Variants in SPIDR observed in about 807,000 individuals in gnomAD.
SPIDR encodes the protein scaffold protein involved in DNA repair, also known as DNA repair-scaffolding protein.
SPIDR carries 93 observed loss-of-function variants against 104.6 expected under a neutral mutation model. The observed-to-expected ratio is 0.89, with a 90% CI of 0.75 to 1.06. SPIDR has a LOEUF of 1.06. SPIDR is among the 50% of genes least tolerant of loss of function. The pLI, the probability that SPIDR is intolerant of heterozygous loss-of-function variation, is 0.00. For missense variants in SPIDR, 1,154 were observed against 1,111.2 expected (o/e 1.04, Z -0.55); for synonymous variants, 431 against 416.9 (o/e 1.03, Z -0.41).
At chr8:47,727,716 GGTCTGGGCCAGT>G (rs1318456265) in intron 17 of SPIDR, among the ~76,000 whole-genome samples, 3 of 152,218 alleles carry the variant, frequency 2.0e-5, no homozygotes, top group African/African-American at 7.2e-5. Flanking sequence ...CCTCCCTCAG[GGTCTGGGCCAGT>G]GTCAGTGCAG....
intron 7 of SPIDR, among the ~76,000 whole-genome samples, chr8:47,428,815 C>A (rs1436515830): frequency 6.6e-6 from 1 of 152,158 alleles, no homozygotes; most frequent in African/African-American, 2.4e-5. Context: ...CTGATTTGGC[C>A]AGAGAGGTTT....
At chr8:47,386,998 C>T (rs1027465177) in intron 5 of SPIDR, among the ~76,000 whole-genome samples, 7 of 151,962 alleles carry the variant, frequency 4.6e-5, no homozygotes, top group Non-Finnish European at 7.4e-5. Context: ...TGCTGTTGCC[C>T]CAGCCCCAGC....
Position 47,673,811 on chromosome 8 carries a change from C to T in SPIDR, c.1555C>T (p.Leu519=). Residue 519 remains leucine (L), a synonymous_variant, in exon 11 of 20, where the codon CTG becomes TTG. Coordinates refer to ENST00000297423, the MANE Select transcript of SPIDR (RefSeq NM_001080394.4). Reference sequence around the variant, plus strand: ...AATGGTTTTTTACAGAGCCTGCCTTCTGGTACAAGATGCCTGTGGAATGTT... The same window carrying T: ...AATGGTTTTTTACAGAGCCTGCCTTTTGGTACAAGATGCCTGTGGAATGTT... ...TDPAGTRACL[L]VQDACGMFGE... 6.2e-7 allele frequency: 1 copy of T among 1,614,106 alleles called. No individual in the cohort carries two copies. The highest frequency in any genetic ancestry group is 8.5e-7 in the Non-Finnish European group (1 of 1,180,016).
intron 8 of SPIDR, among the ~76,000 whole-genome samples, chr8:47,509,523 G>T (rs1003507852): frequency 6.6e-6 from 1 of 152,158 alleles, no homozygotes; most frequent in Non-Finnish European, 1.5e-5. Flanking sequence ...GCCACTTATA[G>T]ACTGGCATTT....
intron 10 of SPIDR, among the ~76,000 whole-genome samples, chr8:47,646,936 C>G (rs1289399266): frequency 6.6e-6 from 1 of 152,092 alleles, no homozygotes; most frequent in Admixed American, 6.6e-5. Context: ...ATGTTATACT[C>G]TTTGACCCAA....
intron 11 of SPIDR, among the ~76,000 whole-genome samples, chr8:47,683,791 T>A (rs1275451353): frequency 6.6e-6 from 1 of 152,134 alleles, no homozygotes; most frequent in Non-Finnish European, 1.5e-5. Context: ...GGGCCAAGTG[T>A]TATTTTTGTA....
chr8:47,345,696 T>A (rs1224330820), intron 5 of SPIDR, among the ~76,000 whole-genome samples: 2 of 152,226 alleles, frequency 1.3e-5, no homozygotes, highest in Non-Finnish European at 1.5e-5. Flanking sequence ...GTAAGTTGGA[T>A]TGCTAGGTAT....
intron 8 of SPIDR, among the ~76,000 whole-genome samples, chr8:47,474,796 G>A (rs1263778901): frequency 6.6e-6 from 1 of 152,224 alleles, no homozygotes; most frequent in Non-Finnish European, 1.5e-5. Context: ...GTTCTCTTTT[G>A]TAGAATGTCA....
intron 5 of SPIDR, among the ~76,000 whole-genome samples, chr8:47,298,293 T>A (rs1486352130): frequency 6.6e-6 from 1 of 152,206 alleles, no homozygotes; most frequent in African/African-American, 2.4e-5. Flanking sequence ...TTGCCCACTT[T>A]TTGATGGGGT....
chr8:47,660,432 C>CA, intron 10 of SPIDR: 1 of 985,324 alleles, frequency 1.0e-6, no homozygotes, highest in Admixed American at 6.1e-5. Flanking sequence ...TCGGCTCTTC[C>CA]AACATGGTCC....
intron 10 of SPIDR, among the ~76,000 whole-genome samples, chr8:47,664,183 C>G (rs2074546128): frequency 6.6e-6 from 1 of 152,094 alleles, no homozygotes; most frequent in Non-Finnish European, 1.5e-5. Flanking sequence ...TGGCCAGCCT[C>G]CAGCATCTCT....
rs375996488 is a variant in SPIDR, at chr8:47,323,318, T to A, written c.525+29288T>A. On this transcript the variant is annotated intron_variant, in intron 5 of 19. Transcript: ENST00000297423. ...GTGTTATTGTATTTATGTAAGTAGTTGTCATATAATTCTTTTATCTTAGAG... is the reference window on the plus strand; with the variant it reads ...GTGTTATTGTATTTATGTAAGTAGTAGTCATATAATTCTTTTATCTTAGAG... Among the ~76,000 whole-genome samples, 31 of 152,296 alleles carry A rather than the reference T, an allele frequency of 2.0e-4. 1 individual carries two copies. The highest frequency in any genetic ancestry group is 7.2e-4 in the African/African-American group (30 of 41,568).
intron 8 of SPIDR, among the ~76,000 whole-genome samples, chr8:47,495,818 C>G (rs1346485677): frequency 6.6e-6 from 1 of 152,102 alleles, no homozygotes; most frequent in African/African-American, 2.4e-5. Context: ...TTTCTTGGCA[C>G]TCTTGTTGAA....
intron 10 of SPIDR, among the ~76,000 whole-genome samples, chr8:47,670,452 C>G (rs970129537): frequency 2.6e-5 from 4 of 152,176 alleles, no homozygotes; most frequent in African/African-American, 9.7e-5. Context: ...TAGTTCCCAT[C>G]TAGAAATCTA....
intron 8 of SPIDR, among the ~76,000 whole-genome samples, chr8:47,558,143 A>G (rs2091537669): frequency 6.6e-6 from 1 of 152,138 alleles, no homozygotes; most frequent in Non-Finnish European, 1.5e-5. Context: ...GACACTGGAA[A>G]CCCCAAAAGA....
chr8:47,488,116 A>G (rs2078013280), intron 8 of SPIDR, among the ~76,000 whole-genome samples: 1 of 152,182 alleles, frequency 6.6e-6, no homozygotes, highest in African/African-American at 2.4e-5. Context: ...AGCAAGACCT[A>G]ATAAGAAAAG....
chr8:47,680,622 C>A (rs1373670526), intron 11 of SPIDR, among the ~76,000 whole-genome samples: 1 of 152,170 alleles, frequency 6.6e-6, no homozygotes, highest in Non-Finnish European at 1.5e-5. Flanking sequence ...TTTCCTTCTT[C>A]AAAAAGGCCA....
intron 10 of SPIDR, among the ~76,000 whole-genome samples, chr8:47,637,334 C>T (rs1484079761): frequency 2.0e-5 from 3 of 152,160 alleles, no homozygotes; most frequent in African/African-American, 7.2e-5. Context: ...CTTTGGGAGG[C>T]CAAGGTGGAT....
chr8:47,670,180 C>T (rs1024407837), intron 10 of SPIDR, among the ~76,000 whole-genome samples: 1 of 152,096 alleles, frequency 6.6e-6, no homozygotes, highest in South Asian at 2.1e-4. Flanking sequence ...CCTCCAGTTC[C>T]CCTACATGTC....
Sources: gnomAD v4.1 joint callset for allele counts (sites outside exome capture counted in the v4.1 genomes callset) on GRCh38, gnomAD v4.1.1 for gene constraint, MANE v1.5 for transcripts, NCBI Gene and HGNC (gene_info 2026-07-23, HGNC 2026-07-21) for gene names.